HERC3: variants seen among roughly 807,000 people sequenced by gnomAD.
HERC3 encodes probable E3 ubiquitin-protein ligase HERC3.
Under a neutral mutation model 129.9 loss-of-function variants are expected in HERC3, and 58 were observed. That is an observed-to-expected ratio of 0.45 (90% confidence interval 0.36 to 0.56). The LOEUF is 0.56. Ranked by LOEUF, HERC3 falls within the 20% of genes least tolerant of loss-of-function variation. The pLI, the probability that HERC3 is intolerant of heterozygous loss-of-function variation, is 0.00. For missense variants in HERC3, 835 were observed against 1,244.2 expected (o/e 0.67, Z 4.95); for synonymous variants, 430 against 451.0 (o/e 0.95, Z 0.59).
chr4:88,532,061 C>T, the HERC3 span, among the ~76,000 whole-genome samples: 1 of 152,090 alleles, frequency 6.6e-6, no homozygotes, highest in East Asian at 1.9e-4. Flanking sequence ...ATTTCTTTTT[C>T]CTACACTGAA....
the HERC3 span, among the ~76,000 whole-genome samples, chr4:88,551,609 G>A: frequency 2.0e-5 from 3 of 151,906 alleles, no homozygotes; most frequent in African/African-American, 7.3e-5. Flanking sequence ...AGTTAGAATG[G>A]CAATCATTAA....
the HERC3 span, among the ~76,000 whole-genome samples, chr4:88,580,898 A>G: frequency 5.3e-5 from 8 of 152,222 alleles, no homozygotes; most frequent in Non-Finnish European, 8.8e-5. Flanking sequence ...CCGTCCCTAA[A>G]CGCAGAGAAT....
At chr4:88,703,713 C>G (rs1337061896) in intron 23 of HERC3, among the ~76,000 whole-genome samples, 2 of 146,666 alleles carry the variant, frequency 1.4e-5, no homozygotes, top group Non-Finnish European at 3.0e-5. Flanking sequence ...GGAAAATGGC[C>G]TAGAACTGTT....
chr4:88,678,414 C>A (rs1732397098), intron 19 of HERC3, among the ~76,000 whole-genome samples: 2 of 152,054 alleles, frequency 1.3e-5, no homozygotes, highest in South Asian at 4.1e-4. Context: ...AAGCAAACAA[C>A]AACAGAAACG....
intron 3 of HERC3, among the ~76,000 whole-genome samples, chr4:88,634,136 G>A (rs1439386679): frequency 1.3e-5 from 2 of 152,178 alleles, no homozygotes; most frequent in East Asian, 3.9e-4. Flanking sequence ...GGGCAGGGGA[G>A]CCCCCACCCT....
the HERC3 span, among the ~76,000 whole-genome samples, chr4:88,525,253 G>A: frequency 6.6e-6 from 1 of 152,182 alleles, no homozygotes; most frequent in African/African-American, 2.4e-5. Flanking sequence ...GAATAGGGCA[G>A]TTATCGGGAC....
intron 3 of HERC3, among the ~76,000 whole-genome samples, chr4:88,616,399 T>C (rs1724902246): frequency 6.6e-6 from 1 of 152,232 alleles, no homozygotes; most frequent in Non-Finnish European, 1.5e-5. Flanking sequence ...GACTACTTTA[T>C]GGTGCTCCTG....
At chr4:88,627,060 C>T (rs961021921) in intron 3 of HERC3, among the ~76,000 whole-genome samples, 1 of 152,088 alleles carries the variant, frequency 6.6e-6, no homozygotes, top group African/African-American at 2.4e-5. Flanking sequence ...ATCATTTTAA[C>T]TGTATCCCAC....
rs1733975731 is a variant in HERC3 at position 88,690,590 on chromosome 4, A to T, written c.2657+3291A>T. The T allele has an allele frequency of 6.1e-6, 6 of 985,256 alleles. No homozygotes were observed. The South Asian group carries it at 2.3e-4, about 39-fold the overall frequency. 61.0% of individuals were successfully genotyped at this position (985,256 alleles called of 1,614,324 possible). ...GTCATCATAGTGCTCTGTGAGTATG[A>T]TACAGTGGCTGGGGAAATGAATGAC... is the stretch of plus-strand genomic sequence containing the variant. On this transcript the variant is annotated intron_variant, in intron 23 of 25. Transcript: ENST00000402738.
At chr4:88,679,128 T>C (rs997334457) in intron 19 of HERC3, among the ~76,000 whole-genome samples, 3 of 152,240 alleles carry the variant, frequency 2.0e-5, no homozygotes, top group Non-Finnish European at 2.9e-5. Context: ...ATGGGGATGA[T>C]AATAGTACCC....
chr4:88,550,831 A>G, the HERC3 span, among the ~76,000 whole-genome samples: 3 of 151,894 alleles, frequency 2.0e-5, no homozygotes, highest in South Asian at 2.1e-4. Flanking sequence ...TGCCAAGTCA[A>G]TCCTAAGCCA....
chr4:88,662,465 A>C lies in HERC3; in HGVS notation c.1181A>C (p.Asn394Thr). 6.2e-7 allele frequency: 1 copy of C among 1,613,444 alleles called. No individual in the cohort carries two copies. Among genetic ancestry groups the C allele is most frequent in the Non-Finnish European group, 8.5e-7 (1 of 1,179,580 alleles). Residue 394 changes from asparagine (N) to threonine (T), a missense_variant, in exon 11 of 26, where the codon AAC becomes ACC. Physicochemically the swap from Asn to Thr is moderately conservative, Grantham distance 65. Transcript: ENST00000402738. Reference protein sequence around the residue: ...YSPAVDFRTMNQAHYTSLIND... With the variant: ...YSPAVDFRTMTQAHYTSLIND... ...CCTGCTGTTGACTTCAGGACTATGA[A>C]CCAAGCACATTATACCAGTTTAATA... is the stretch of plus-strand genomic sequence containing the variant.
chr4:88,704,927 C>T (rs1428014165), intron 25 of HERC3, among the ~76,000 whole-genome samples: 1 of 147,660 alleles, frequency 6.8e-6, no homozygotes, highest in African/African-American at 2.5e-5. Flanking sequence ...GTGGCGTGAT[C>T]TCAGCTCACT....
chr4:88,592,236 T>C (rs1400533407), upstream of HERC3, among the ~76,000 whole-genome samples: 1 of 152,228 alleles, frequency 6.6e-6, no homozygotes, highest in Non-Finnish European at 1.5e-5. Flanking sequence ...CGATTTCGGC[T>C]GACACACCCG....
intron 2 of HERC3, among the ~76,000 whole-genome samples, chr4:88,601,666 A>T (rs913909215): frequency 1.3e-5 from 2 of 152,232 alleles, no homozygotes; most frequent in Admixed American, 1.3e-4. Flanking sequence ...TGAAGTCTGC[A>T]ATCTTGTCTT....
chr4:88,549,489 A>G, the HERC3 span, among the ~76,000 whole-genome samples: 1 of 152,066 alleles, frequency 6.6e-6, no homozygotes, highest in South Asian at 2.1e-4. Flanking sequence ...GGAGTCCCCA[A>G]ATAGACATTA....
chr4:88,653,916 C>T (rs1485279856), intron 6 of HERC3, 126 bp from the exon 7 acceptor site: 1 of 671,190 alleles, frequency 1.5e-6, no homozygotes, highest in Admixed American at 2.3e-5. Flanking sequence ...TATCCAAGTA[C>T]AGATGCAGGC....
the HERC3 span, chr4:88,527,958 G>A: frequency 1.1e-5 from 3 of 271,716 alleles, no homozygotes; most frequent in East Asian, 2.1e-4. Context: ...TAAATGGCAT[G>A]AGTGATTGGT....
chr4:88,684,007 G>T (rs1056698625), intron 21 of HERC3, among the ~76,000 whole-genome samples: 4 of 152,130 alleles, frequency 2.6e-5, no homozygotes, highest in Non-Finnish European at 5.9e-5. Flanking sequence ...CATGCTCATG[G>T]ATAGGAAGAA....
Sources: allele counts gnomAD v4.1 joint callset (sites outside exome capture counted in the v4.1 genomes callset), GRCh38; gene constraint gnomAD v4.1.1; transcripts MANE v1.5; gene names NCBI Gene and HGNC (gene_info 2026-07-23, HGNC 2026-07-21).